The following LYRM7 variants were observed in gnomAD, a reference collection of about 807,000 sequenced individuals.
LYRM7 encodes the protein LYR motif containing 7, also known as complex III assembly factor LYRM7.
LYRM7 carries 9 observed loss-of-function variants against 15.8 expected under a neutral mutation model. That is an observed-to-expected ratio of 0.57 (90% CI 0.34 to 0.99). The LOEUF (loss-of-function observed/expected upper bound fraction) is 0.99. Among genes scored for constraint, LYRM7 ranks in the 50% least tolerant of loss-of-function variants. The pLI, the probability that LYRM7 is intolerant of heterozygous loss-of-function variation, is 0.02. For missense variants in LYRM7, 115 were observed against 119.1 expected (o/e 0.97, Z 0.16); for synonymous variants, 39 against 39.4 (o/e 0.99, Z 0.04).
intron 3 of LYRM7, among the ~76,000 whole-genome samples, chr5:131,186,213 C>T (rs1021632888): frequency 1.8e-4 from 27 of 152,180 alleles, no homozygotes; most frequent in African/African-American, 5.8e-4. Flanking sequence ...CAAGGCCATA[C>T]ACTTAATGAC....
In LYRM7 at chr5:131,184,641, G is replaced by C. The variant is rs555938175; in HGVS notation, c.162+2342G>C. Among the ~76,000 whole-genome samples the C allele has an allele frequency of 1.2e-3, 108 of 89,580 alleles. 1 individual carries two copies. The highest frequency in any genetic ancestry group is 2.5e-3 in the East Asian group (9 of 3,622). The allele number at this position is 89,580 out of a possible 152,430, so 58.8% of individuals were successfully genotyped here. ...TCAGACAAATGGAATTTTTTTTGGC[G>C]GGGGGGGGGTTCCAGGATTCATGCA... On this transcript the variant is annotated intron_variant, in intron 3 of 4. Transcript: ENST00000379380.
intron 4 of LYRM7, among the ~76,000 whole-genome samples, chr5:131,194,257 G>T (rs1755930589): frequency 6.6e-6 from 1 of 152,114 alleles, no homozygotes; most frequent in Non-Finnish European, 1.5e-5. Flanking sequence ...AAATATAGTT[G>T]GAGTGCATTT....
At position 131,179,090 on chromosome 5, in the gene LYRM7, T is replaced by G. The variant is rs866252353; in HGVS notation, c.19-1005T>G. ...TTTTGCATATGTGTGTGTATGATAT[T>G]GAGCAGATTAAAACTTCAATAGGTT... On this transcript the variant is annotated intron_variant, in intron 1 of 4. Coordinates refer to ENST00000379380, the MANE Select transcript of LYRM7 (RefSeq NM_181705.4). Among the ~76,000 whole-genome samples the G allele has an allele frequency of 2.0e-5, 3 of 152,174 alleles. No individual in the cohort carries two copies. In the South Asian group the frequency reaches 6.2e-4, roughly 31 times the overall value.
chr5:131,193,557 G>A (rs2149665182), intron 4 of LYRM7, among the ~76,000 whole-genome samples: 1 of 152,252 alleles, frequency 6.6e-6, no homozygotes, highest in Middle Eastern at 3.4e-3. Context: ...TGGAACTTCA[G>A]TGTGAAATAT....
intron 4 of LYRM7, among the ~76,000 whole-genome samples, chr5:131,197,846 CTGTG>C (rs56146861): frequency 0.38 from 54,876 of 143,046 alleles, 11,265 homozygotes; most frequent in East Asian, 0.78. Context: ...CATCTGGCCA[CTGTG>C]TGTGTGTGTG....
In LYRM7 at chr5:131,171,033, G is replaced by C. The variant is rs1368424392; in HGVS notation, c.13G>C (p.Val5Leu). ...GGTGAGGAGAGCCATGGGACGGGCA[G>C]TCAAGGTGACAGGGCCCGGGAAGGG... The part of the protein sequence containing the change: MGRA[V>L]KVLQLFKTLH... Residue 5 changes from valine (V) to leucine (L), a missense_variant, in exon 1 of 5, where the codon GTC (valine) becomes CTC (leucine). Physicochemically the swap from Val to Leu is conservative, Grantham distance 32 (BLOSUM62 1). Coordinates refer to ENST00000379380, the MANE Select transcript of LYRM7 (RefSeq NM_181705.4). 1 of 1,534,362 alleles carries C rather than the reference G, an allele frequency of 6.5e-7. No individual in the cohort carries two copies. Among genetic ancestry groups the C allele is most frequent in the Non-Finnish European group, 8.7e-7 (1 of 1,150,184 alleles).
At chr5:131,188,430 A>T (rs1286662287) in intron 4 of LYRM7, among the ~76,000 whole-genome samples, 1 of 148,548 alleles carries the variant, frequency 6.7e-6, no homozygotes. Flanking sequence ...AAAAAAAAAA[A>T]TTGGCCTTTC....
At chr5:131,179,115 T>C (rs1359901318) in intron 1 of LYRM7, among the ~76,000 whole-genome samples, 1 of 152,148 alleles carries the variant, frequency 6.6e-6, no homozygotes, top group African/African-American at 2.4e-5. Flanking sequence ...TTCAATAGGT[T>C]AAGAAAAATG....
chr5:131,188,447 A>G (rs951634047), intron 4 of LYRM7, among the ~76,000 whole-genome samples: 1 of 150,226 alleles, frequency 6.7e-6, no homozygotes, highest in Non-Finnish European at 1.5e-5. Context: ...TTTCTGATGG[A>G]TATGTGGTGG....
intron 3 of LYRM7, among the ~76,000 whole-genome samples, chr5:131,186,471 A>G (rs995440753): frequency 1.3e-5 from 2 of 152,232 alleles, no homozygotes; most frequent in Non-Finnish European, 2.9e-5. Flanking sequence ...GTCCCCCTTT[A>G]TCATTGGGGA....
chr5:131,175,230 G>A (rs114418212), intron 1 of LYRM7, among the ~76,000 whole-genome samples: 8 of 134,564 alleles, frequency 5.9e-5, no homozygotes, highest in East Asian at 2.0e-4. Flanking sequence ...ATGGAGTTTC[G>A]CTATTGTTGG....
chr5:131,181,330 C>CACAT (rs1561544255), intron 2 of LYRM7, among the ~76,000 whole-genome samples: 3 of 52,388 alleles, frequency 5.7e-5, no homozygotes, highest in South Asian at 6.8e-4. Flanking sequence ...CACACACACA[C>CACAT]ATATATATAA....
In LYRM7 at chr5:131,204,177, C is replaced by T. The variant is rs190631329; in HGVS notation, c.*4576C>T. 158 of 151,294 alleles carry T rather than the reference C, an allele frequency of 1.0e-3. No individual in the cohort carries two copies. Among genetic ancestry groups the T allele is most frequent in the African/African-American group, 2.8e-3 (117 of 41,300 alleles). The allele number at this position is 151,294 out of a possible 1,614,324, so 9.4% of individuals were successfully genotyped here. Reference sequence around the variant, plus strand: ...CAAACTTCTGGACTCAAGCAATCCTCGCAACATCATTAATAGCTGAGAGTA... The same window carrying T: ...CAAACTTCTGGACTCAAGCAATCCTTGCAACATCATTAATAGCTGAGAGTA... On this transcript the variant is annotated 3_prime_UTR_variant, in exon 5 of 5. Coordinates refer to ENST00000379380, the MANE Select transcript of LYRM7 (RefSeq NM_181705.4).
In LYRM7 at chr5:131,200,711, A is replaced by C. The variant is rs1293719369; in HGVS notation, c.*1110A>C. 6.6e-6 allele frequency: 1 copy of C among 152,338 alleles called. No individual in the cohort carries two copies. The highest frequency in any genetic ancestry group is 1.9e-4 in the East Asian group (1 of 5,340). 9.4% of individuals were successfully genotyped at this position (152,338 alleles called of 1,614,324 possible). ...TTTCAAATTTGAAATTTGCCCTTTTAAGAGAATGCTGAATGTCATCGCAGT... is the reference window on the plus strand; with the variant it reads ...TTTCAAATTTGAAATTTGCCCTTTTCAGAGAATGCTGAATGTCATCGCAGT... On this transcript the variant is annotated 3_prime_UTR_variant, in exon 5 of 5. Coordinates refer to ENST00000379380, the MANE Select transcript of LYRM7 (RefSeq NM_181705.4).
At chr5:131,184,868 A>G (rs1299856460) in intron 3 of LYRM7, among the ~76,000 whole-genome samples, 3 of 152,096 alleles carry the variant, frequency 2.0e-5, no homozygotes, top group East Asian at 1.9e-4. Context: ...AGCTCTCTCC[A>G]TGGCAGTTAA....
chr5:131,196,221 A>T (rs956510299), intron 4 of LYRM7, among the ~76,000 whole-genome samples: 6 of 149,030 alleles, frequency 4.0e-5, no homozygotes, highest in Non-Finnish European at 1.5e-5. Flanking sequence ...CTCATGCCTC[A>T]CACCTCCTGA....
Position 131,204,102 on chromosome 5 carries a change from G to A in LYRM7, c.*4501G>A, listed in dbSNP as rs906049600. ...AATTATAGGGCCTTTTGTTTCTTTG[G>A]GTTTTTTTTTTTTAGAGACAAGATC... On this transcript the variant is annotated 3_prime_UTR_variant, in exon 5 of 5. Transcript: ENST00000379380. 1.2e-4 allele frequency: 18 copies of A among 144,592 alleles called. No homozygotes were observed. The highest frequency in any genetic ancestry group is 3.4e-4 in the African/African-American group (13 of 37,906). 9.0% of individuals were successfully genotyped at this position (144,592 alleles called of 1,614,324 possible). A position where few individuals can be genotyped will look rare whatever the true frequency, so the allele number is the denominator to read the frequency against.
intron 1 of LYRM7, among the ~76,000 whole-genome samples, chr5:131,171,412 A>G (rs1185529149): frequency 5.3e-5 from 8 of 152,180 alleles, no homozygotes; most frequent in African/African-American, 1.9e-4. Context: ...GAGCAACAGC[A>G]GTTCAATGAG....
In LYRM7 at chr5:131,193,941, G is replaced by A. The variant is rs565291394; in HGVS notation, c.245-5590G>A. 3.9e-5 allele frequency among the ~76,000 whole-genome samples: 6 copies of A among 152,168 alleles called. No homozygotes were observed. The South Asian group carries it at 6.2e-4, about 16-fold the overall frequency. Reference sequence around the variant, plus strand: ...GGAGAATCGCTTGAACCCGGGAGGCGGAGGTTGCAGTGAGCCGAGATTGCG... The same window carrying A: ...GGAGAATCGCTTGAACCCGGGAGGCAGAGGTTGCAGTGAGCCGAGATTGCG... On this transcript the variant is annotated intron_variant, in intron 4 of 4. Transcript: ENST00000379380.
Sources: allele counts gnomAD v4.1 joint callset (sites outside exome capture counted in the v4.1 genomes callset), GRCh38; gene constraint gnomAD v4.1.1; transcripts MANE v1.5; gene names NCBI Gene and HGNC (gene_info 2026-07-23, HGNC 2026-07-21).